Variants in LMNTD1 observed in about 807,000 individuals in gnomAD.
LMNTD1 encodes the protein lamin tail domain containing 1, also known as lamin tail domain-containing protein 1.
A neutral mutation model predicts 50.9 loss-of-function variants in LMNTD1; 35 were observed. The ratio of observed to expected loss-of-function variants is 0.69; its 90% confidence interval spans 0.53 to 0.91. LMNTD1 has a LOEUF of 0.91. LMNTD1 is among the 40% of genes least tolerant of loss of function. LMNTD1 has a pLI of 0.00. For synonymous variants in LMNTD1, 153 were observed against 161.9 expected (o/e 0.94, Z 0.42); for missense variants, 470 against 475.5 (o/e 0.99, Z 0.11).
chr12:25,583,871 G>A (rs559314775), intron 1 of LMNTD1, among the ~76,000 whole-genome samples: 1 of 152,316 alleles, frequency 6.6e-6, no homozygotes, highest in East Asian at 1.9e-4. Context: ...ACAAGCCAGG[G>A]AACCTTGAGC....
At chr12:25,597,378 T>A (rs951568022) in intron 1 of LMNTD1, among the ~76,000 whole-genome samples, 2 of 152,038 alleles carry the variant, frequency 1.3e-5, no homozygotes, top group African/African-American at 4.8e-5. Context: ...AAAAAATAGA[T>A]TGCAAGACAA....
chr12:25,538,903 A>G (rs1942836373), intron 4 of LMNTD1, among the ~76,000 whole-genome samples: 1 of 140,020 alleles, frequency 7.1e-6, no homozygotes, highest in African/African-American at 2.6e-5. Flanking sequence ...TGGAAAACAA[A>G]AAAAGGCAGG....
At chr12:25,536,869 C>A (rs901822290) in intron 4 of LMNTD1, among the ~76,000 whole-genome samples, 1 of 151,360 alleles carries the variant, frequency 6.6e-6, no homozygotes, top group Non-Finnish European at 1.5e-5. Context: ...AGTGGGTGCA[C>A]GCACCGTGCG....
chr12:25,585,247 A>C (rs897766379), intron 1 of LMNTD1, among the ~76,000 whole-genome samples: 9 of 152,220 alleles, frequency 5.9e-5, no homozygotes, highest in African/African-American at 2.2e-4. Flanking sequence ...TTTCATTGGC[A>C]GTCTAAAAAC....
intron 1 of LMNTD1, among the ~76,000 whole-genome samples, chr12:25,619,276 A>G (rs1448403723): frequency 1.7e-5 from 1 of 58,178 alleles, no homozygotes; most frequent in Non-Finnish European, 3.1e-5. Flanking sequence ...ATATATATAT[A>G]TATGTATAGC....
chr12:25,568,480 T>A (rs991679889), intron 1 of LMNTD1, among the ~76,000 whole-genome samples: 1 of 152,144 alleles, frequency 6.6e-6, no homozygotes, highest in African/African-American at 2.4e-5. Flanking sequence ...AACAACAACT[T>A]GCTAGAGAGA....
At chr12:25,610,528 G>GT (rs1285612554) in intron 1 of LMNTD1, among the ~76,000 whole-genome samples, 5 of 152,122 alleles carry the variant, frequency 3.3e-5, no homozygotes, top group African/African-American at 1.2e-4. Context: ...GGCTATTAAT[G>GT]TTTTTTACAG....
At position 25,553,053 on chromosome 12, in the gene LMNTD1, T is replaced by C. The variant is rs1188573001; in HGVS notation, c.-31+16A>G. 2.5e-6 allele frequency: 4 copies of C among 1,612,152 alleles called. No individual in the cohort carries two copies. The South Asian group carries it at 3.3e-5, about 13-fold the overall frequency. ...CTGAGGTTCAAGGCAGATTTTTCTT[T>C]TCAAAGTGACCTCACCTGTTAATCC... On this transcript the variant is annotated intron_variant, in intron 1 of 9. Transcript: ENST00000458174.
At chr12:25,630,965 G>A (rs1946705311) in intron 1 of LMNTD1, among the ~76,000 whole-genome samples, 1 of 152,220 alleles carries the variant, frequency 6.6e-6, no homozygotes, top group Non-Finnish European at 1.5e-5. Flanking sequence ...CTTAGTCGGG[G>A]CAGAGTGGGA....
Position 25,518,984 on chromosome 12 carries a change from C to T in LMNTD1, c.1017-17G>A. 1 of 1,612,694 alleles carries T rather than the reference C, an allele frequency of 6.2e-7. No individual in the cohort carries two copies. Among genetic ancestry groups the T allele is most frequent in the Non-Finnish European group, 8.5e-7 (1 of 1,179,248 alleles). On this transcript the variant is annotated splice_polypyrimidine_tract_variant and intron_variant, in intron 7 of 9. Coordinates refer to ENST00000458174, the MANE Select transcript of LMNTD1 (RefSeq NM_001145728.2). ...TCCTTCTCTCTGTAAAAGAAAAAAG[C>T]CTAAATGGAACTCAAAAGCCATTTT... is the stretch of plus-strand genomic sequence containing the variant.
At chr12:25,640,148 G>C (rs7976449) in intron 1 of LMNTD1, among the ~76,000 whole-genome samples, 30,266 of 152,050 alleles carry the variant, frequency 0.2, 3,644 homozygotes, top group East Asian at 0.5. Flanking sequence ...GGTGACTTGG[G>C]GGGAGAGGAG....
Position 25,553,160 on chromosome 12 carries a change from A to G in LMNTD1, c.-122T>C. ...ACCACAATTCTCATGAGGATATGTA[A>G]GTACCAACATAGCCAATCCTGATCT... On this transcript the variant is annotated 5_prime_UTR_variant, in exon 1 of 10. Transcript: ENST00000458174. 3 of 1,608,284 alleles carry G rather than the reference A, an allele frequency of 1.9e-6. No individual in the cohort carries two copies. The highest frequency in any genetic ancestry group is 2.5e-6 in the Non-Finnish European group (3 of 1,178,244).
chr12:25,520,655 A>G (rs1457380640), intron 6 of LMNTD1, among the ~76,000 whole-genome samples: 4 of 152,222 alleles, frequency 2.6e-5, no homozygotes, highest in Non-Finnish European at 4.4e-5. Context: ...TAATGCTGCA[A>G]TGAAGATGGC....
At chr12:25,572,211 CATCT>C (rs1210636506) in intron 1 of LMNTD1, among the ~76,000 whole-genome samples, 1 of 152,178 alleles carries the variant, frequency 6.6e-6, no homozygotes, top group African/African-American at 2.4e-5. Flanking sequence ...CAAAAACTTA[CATCT>C]ATTATTTAAT....
intron 6 of LMNTD1, 70 bp from the exon 7 acceptor site, chr12:25,520,145 CATATATATATAT>C (rs71065950): frequency 1.2e-4 from 29 of 234,182 alleles, no homozygotes; most frequent in African/African-American, 9.1e-4. Flanking sequence ...ATGAGATATA[CATATATATATAT>C]ATATATATAT....
intron 8 of LMNTD1, among the ~76,000 whole-genome samples, chr12:25,512,066 G>A (rs759558909): frequency 6.6e-6 from 1 of 151,964 alleles, no homozygotes; most frequent in African/African-American, 2.4e-5. Context: ...CTCTCTATTG[G>A]TTATGAAATA....
intron 9 of LMNTD1, among the ~76,000 whole-genome samples, chr12:25,480,947 C>T (rs73296463): frequency 0.072 from 11,029 of 152,230 alleles, 479 homozygotes; most frequent in Middle Eastern, 0.092. Flanking sequence ...AATCTTTAGG[C>T]ATCAAGGTAA....
intron 1 of LMNTD1, among the ~76,000 whole-genome samples, chr12:25,631,283 C>G (rs1027108556): frequency 1.3e-5 from 2 of 152,152 alleles, no homozygotes; most frequent in African/African-American, 2.4e-5. Context: ...TTCTTCTGCA[C>G]GCTACCACAG....
intron 1 of LMNTD1, among the ~76,000 whole-genome samples, chr12:25,608,412 A>T (rs1460812629): frequency 6.6e-6 from 1 of 151,934 alleles, no homozygotes; most frequent in African/African-American, 2.4e-5. Context: ...TACTTTATGC[A>T]GCTTCTTCCT....
Sources: gnomAD v4.1 joint callset for allele counts (sites outside exome capture counted in the v4.1 genomes callset) on GRCh38, gnomAD v4.1.1 for gene constraint, MANE v1.5 for transcripts, NCBI Gene and HGNC (gene_info 2026-07-23, HGNC 2026-07-21) for gene names.